The following SLC39A12 variants were observed in gnomAD, a reference collection of about 807,000 sequenced individuals.
SLC39A12 encodes the protein zinc transporter ZIP12.
Under a neutral mutation model 71.1 loss-of-function variants are expected in SLC39A12, and 63 were observed. The observed-to-expected ratio is 0.89, with a 90% CI of 0.72 to 1.09. The LOEUF (loss-of-function observed/expected upper bound fraction) is 1.09, where lower values mean the gene tolerates loss of function less well. SLC39A12 is among the 50% of genes least tolerant of loss of function. The pLI is 0.00. For missense variants in SLC39A12, 892 were observed against 812.6 expected, an observed-to-expected ratio of 1.10 and a Z score of -1.19; for synonymous variants, 351 against 301.3, an observed-to-expected ratio of 1.16 and a Z score of -1.71.
chr10:17,971,814 TC>T (rs1463004125), intron 4 of SLC39A12, among the ~76,000 whole-genome samples: 13 of 152,324 alleles, frequency 8.5e-5, no homozygotes, highest in African/African-American at 2.9e-4. Flanking sequence ...TGTATTGTTT[TC>T]TTCCTTCAAA....
chr10:17,962,404 C>T (rs1564639008), intron 3 of SLC39A12, among the ~76,000 whole-genome samples: 1 of 152,138 alleles, frequency 6.6e-6, no homozygotes, highest in Non-Finnish European at 1.5e-5. Context: ...AATGCCTCTC[C>T]TCTCTCCCAG....
At chr10:17,967,747 C>T (rs537467681) in intron 4 of SLC39A12, among the ~76,000 whole-genome samples, 3 of 151,530 alleles carry the variant, frequency 2.0e-5, no homozygotes, top group African/African-American at 2.4e-5. Flanking sequence ...ATAAGCCAGG[C>T]GTGATGGCGG....
intron 3 of SLC39A12, 111 bp from the exon 4 acceptor site, chr10:17,965,372 T>A: frequency 2.3e-6 from 2 of 877,886 alleles, no homozygotes; most frequent in Non-Finnish European, 3.5e-6. Context: ...ATGATTCAAT[T>A]TTCTTTTAGA....
Position 18,043,109 on chromosome 10 carries a change from G to A in SLC39A12, c.*276G>A, listed in dbSNP as rs1034640057. On this transcript the variant is annotated 3_prime_UTR_variant, in exon 13 of 13. Coordinates refer to ENST00000377369, the MANE Select transcript of SLC39A12 (RefSeq NM_001145195.2). ...GTTAGTAAATTCTGCATGAATTTTAGTAAACTTTAAAAAATAGATTTTTTC... is the reference window on the plus strand; with the variant it reads ...GTTAGTAAATTCTGCATGAATTTTAATAAACTTTAAAAAATAGATTTTTTC... 2 of 182,350 alleles carry A rather than the reference G, an allele frequency of 1.1e-5. No individual in the cohort carries two copies. Among genetic ancestry groups the A allele is most frequent in the Non-Finnish European group, 2.3e-5 (2 of 88,600 alleles). 11.3% of individuals were successfully genotyped at this position (182,350 alleles called of 1,614,324 possible). A position where few individuals can be genotyped will look rare whatever the true frequency, so the allele number is the denominator to read the frequency against.
At chr10:18,025,666 C>T (rs1836657507) in intron 12 of SLC39A12, among the ~76,000 whole-genome samples, 1 of 151,960 alleles carries the variant, frequency 6.6e-6, no homozygotes, top group Non-Finnish European at 1.5e-5. Flanking sequence ...CAAGTCTTTG[C>T]TCTTGTGAAT....
intron 1 of SLC39A12, among the ~76,000 whole-genome samples, chr10:17,952,580 C>T (rs375788428): frequency 3.6e-4 from 54 of 151,478 alleles, no homozygotes; most frequent in African/African-American, 1.2e-3. Context: ...CCCCGCCTCC[C>T]GGGTTCAAGC....
At chr10:17,996,769 G>A (rs1017437309) in intron 10 of SLC39A12, among the ~76,000 whole-genome samples, 9 of 151,940 alleles carry the variant, frequency 5.9e-5, no homozygotes, top group Admixed American at 1.3e-4. Flanking sequence ...AGGCCGAGGC[G>A]GGCAGATCAC....
intron 6 of SLC39A12, among the ~76,000 whole-genome samples, chr10:17,986,006 C>T (rs1261156877): frequency 6.6e-6 from 1 of 152,150 alleles, no homozygotes; most frequent in Non-Finnish European, 1.5e-5. Context: ...TAATATCACC[C>T]TGGACATTGC....
Position 17,987,463 on chromosome 10 carries a change from A to G in SLC39A12, c.1097-16A>G. Reference sequence around the variant, plus strand: ...GCACTGGGCACTGACTGTGTTTACGATCTCCTTTGACTTAGAATACGGCTA... The same window carrying G: ...GCACTGGGCACTGACTGTGTTTACGGTCTCCTTTGACTTAGAATACGGCTA... On this transcript the variant is annotated splice_polypyrimidine_tract_variant and intron_variant, in intron 6 of 12. Transcript: ENST00000377369. The G allele has an allele frequency of 6.2e-7, 1 of 1,612,382 alleles. No individual in the cohort carries two copies. The highest frequency in any genetic ancestry group is 8.5e-7 in the Non-Finnish European group (1 of 1,179,394).
At chr10:17,977,543 G>A (rs1835140995) in intron 4 of SLC39A12, among the ~76,000 whole-genome samples, 2 of 152,098 alleles carry the variant, frequency 1.3e-5, no homozygotes, top group African/African-American at 2.4e-5. Context: ...TTTGTTTCTA[G>A]AATCTTATCT....
At chr10:17,965,357 C>A (rs927138810) in intron 3 of SLC39A12, 126 bp from the exon 4 acceptor site, 10 of 770,084 alleles carry the variant, frequency 1.3e-5, no homozygotes, top group Non-Finnish European at 2.1e-5. Context: ...AGTCATATTC[C>A]TCAAATGATT....
At chr10:18,036,431 C>G (rs1363967247) in intron 12 of SLC39A12, among the ~76,000 whole-genome samples, 1 of 152,076 alleles carries the variant, frequency 6.6e-6, no homozygotes, top group Non-Finnish European at 1.5e-5. Context: ...TCCGTCACCC[C>G]TTTCTTTGAC....
At chr10:17,985,309 C>G (rs1268624982) in intron 6 of SLC39A12, among the ~76,000 whole-genome samples, 1 of 151,984 alleles carries the variant, frequency 6.6e-6, no homozygotes. Flanking sequence ...TGCCACAGCA[C>G]TCCAGCCTGG....
At chr10:18,019,698 G>C (rs540679283) in intron 12 of SLC39A12, among the ~76,000 whole-genome samples, 2 of 151,860 alleles carry the variant, frequency 1.3e-5, no homozygotes, top group African/African-American at 4.8e-5. Context: ...TTAATCTCCA[G>C]TTCTTTTGGT....
chr10:17,984,078 A>G lies in SLC39A12; in HGVS notation c.1096+2595A>G, dbSNP rs150049314. On this transcript the variant is annotated intron_variant, in intron 6 of 12. Transcript: ENST00000377369. Reference sequence around the variant, plus strand: ...AGTAGCTGCTCAGAAGTGGCTAAGAATTTAGTGGCTAGGTCAAGCTCTGTT... The same window carrying G: ...AGTAGCTGCTCAGAAGTGGCTAAGAGTTTAGTGGCTAGGTCAAGCTCTGTT... Among the ~76,000 whole-genome samples the G allele has an allele frequency of 3.3e-3, 501 of 152,314 alleles. 4 individuals carry two copies. Among genetic ancestry groups the G allele is most frequent in the African/African-American group, 0.012 (486 of 41,574 alleles).
At chr10:17,981,181 C>T (rs1280781165) in intron 5 of SLC39A12, 131 bp from the exon 6 acceptor site, 4 of 676,346 alleles carry the variant, frequency 5.9e-6, no homozygotes, top group South Asian at 3.6e-5. Flanking sequence ...CAGGGAAACA[C>T]GTGTCGTACC....
At position 18,036,746 on chromosome 10, in the gene SLC39A12, T is replaced by TTA. The variant is rs1195629854; in HGVS notation, c.1948-5911_1948-5910dup. Among the ~76,000 whole-genome samples the TTA allele has an allele frequency of 7.6e-3, 284 of 37,398 alleles. 1 individual carries two copies. The highest frequency in any genetic ancestry group is 0.015 in the Middle Eastern group (1 of 66). The allele number at this position is 37,398 out of a possible 152,430, so 24.5% of individuals were successfully genotyped here. ...CATCTTGCAGTTAGCATTTTAAAAATTATATATATATATATATATATATAT... is the reference window on the plus strand; with the variant it reads ...CATCTTGCAGTTAGCATTTTAAAAATTATATATATATATATATATATATATAT... On this transcript the variant is annotated intron_variant, in intron 12 of 12. Transcript: ENST00000377369.
intron 9 of SLC39A12, among the ~76,000 whole-genome samples, chr10:17,994,395 GT>G (rs1288669910): frequency 1.3e-5 from 2 of 150,292 alleles, no homozygotes; most frequent in South Asian, 2.1e-4. Flanking sequence ...TTAATTTCTT[GT>G]TTTTTCAAGA....
chr10:18,030,711 T>C (rs1158435701), intron 12 of SLC39A12, among the ~76,000 whole-genome samples: 2 of 151,160 alleles, frequency 1.3e-5, no homozygotes, highest in Non-Finnish European at 3.0e-5. Context: ...TACATATGTA[T>C]ACATGTGCCA....
Sources: gnomAD v4.1 joint callset for allele counts (sites outside exome capture counted in the v4.1 genomes callset) on GRCh38, gnomAD v4.1.1 for gene constraint, MANE v1.5 for transcripts, NCBI Gene and HGNC (gene_info 2026-07-23, HGNC 2026-07-21) for gene names.